Variants in TTC9 observed in about 807,000 individuals in gnomAD.
TTC9 encodes tetratricopeptide repeat domain 9, also known as tetratricopeptide repeat protein 9A.
In TTC9, 13 loss-of-function variants were observed where a neutral mutation model predicts 22.9. That is an observed-to-expected ratio of 0.57 (90% CI 0.37 to 0.90). The LOEUF (loss-of-function observed/expected upper bound fraction) is 0.90, where lower values mean the gene tolerates loss of function less well. Among genes scored for constraint, TTC9 ranks in the 40% least tolerant of loss-of-function variants. The pLI is 0.01. For synonymous variants in TTC9, 148 were observed against 133.2 expected (o/e 1.11, Z -0.77); for missense variants, 280 against 291.8 (o/e 0.96, Z 0.29).
Position 70,674,867 on chromosome 14 carries a change from A to T in TTC9, c.*3712A>T, listed in dbSNP as rs1338706377. On this transcript the variant is annotated 3_prime_UTR_variant, in exon 3 of 3. Transcript: ENST00000256367. ...TTTGTTCCCAATCTTCATTGTAAATAGTGTTGCAACTGACATTCTTGTAGC... is the reference window on the plus strand; with the variant it reads ...TTTGTTCCCAATCTTCATTGTAAATTGTGTTGCAACTGACATTCTTGTAGC... The T allele has an allele frequency of 6.6e-6, 1 of 152,220 alleles. No individual in the cohort carries two copies. The highest frequency in any genetic ancestry group is 1.5e-5 in the Non-Finnish European group (1 of 68,046). The allele number at this position is 152,220 out of a possible 1,614,324, so 9.4% of individuals were successfully genotyped here. A position where few individuals can be genotyped will look rare whatever the true frequency, so the allele number is the denominator to read the frequency against.
intron 1 of TTC9, among the ~76,000 whole-genome samples, chr14:70,651,462 G>A (rs1176638123): frequency 6.7e-6 from 1 of 148,332 alleles, no homozygotes; most frequent in Non-Finnish European, 1.5e-5. Flanking sequence ...GCCATTCTGG[G>A]TATTATCATG....
chr14:70,668,152 C>A (rs1249265100), intron 2 of TTC9, among the ~76,000 whole-genome samples: 2 of 152,168 alleles, frequency 1.3e-5, no homozygotes, highest in African/African-American at 4.8e-5. Flanking sequence ...TACAAACAGG[C>A]AAATTTGATG....
intron 1 of TTC9, among the ~76,000 whole-genome samples, chr14:70,646,215 C>CA (rs1178016672): frequency 1.3e-5 from 2 of 152,124 alleles, no homozygotes; most frequent in African/African-American, 4.8e-5. Context: ...CCAGGAAATT[C>CA]AAAGAAATAG....
intron 1 of TTC9, 145 bp from the exon 2 acceptor site, chr14:70,667,419 A>G: frequency 1.2e-6 from 1 of 801,742 alleles, no homozygotes; most frequent in Non-Finnish European, 2.0e-6. Context: ...CAGGGAGGCT[A>G]GGATTATTGG....
chr14:70,659,119 A>AACACACACACGCGC (rs1365105263), intron 1 of TTC9, among the ~76,000 whole-genome samples: 47 of 134,700 alleles, frequency 3.5e-4, no homozygotes, highest in African/African-American at 1.3e-3. Flanking sequence ...TATATAACTA[A>AACACACACACGCGC]ACACACACAC....
At chr14:70,670,487 G>T (rs1262754064) in intron 2 of TTC9, among the ~76,000 whole-genome samples, 1 of 151,970 alleles carries the variant, frequency 6.6e-6, no homozygotes, top group African/African-American at 2.4e-5. Context: ...ATGAAACCCC[G>T]TCTCTACTAA....
chr14:70,653,994 G>A (rs1886022429), intron 1 of TTC9, among the ~76,000 whole-genome samples: 1 of 152,164 alleles, frequency 6.6e-6, no homozygotes, highest in African/African-American at 2.4e-5. Context: ...TCAGGCAGAT[G>A]CCAGCTTACT....
At chr14:70,666,722 C>T (rs1039550489) in intron 1 of TTC9, among the ~76,000 whole-genome samples, 1 of 152,166 alleles carries the variant, frequency 6.6e-6, no homozygotes, top group Non-Finnish European at 1.5e-5. Context: ...GCCTCAGCTT[C>T]CTCACCTATA....
intron 1 of TTC9, among the ~76,000 whole-genome samples, chr14:70,648,170 C>G (rs1045968601): frequency 2.6e-5 from 4 of 152,164 alleles, no homozygotes; most frequent in African/African-American, 9.7e-5. Flanking sequence ...CTTGCCATCC[C>G]GATGGGAGAG....
At chr14:70,665,642 T>C (rs1886205625) in intron 1 of TTC9, among the ~76,000 whole-genome samples, 1 of 152,228 alleles carries the variant, frequency 6.6e-6, no homozygotes, top group Non-Finnish European at 1.5e-5. Context: ...GGGCTGATTC[T>C]CTTTCACTTC....
Position 70,659,650 on chromosome 14 carries a change from G to A in TTC9, c.407-7914G>A, listed in dbSNP as rs138529388. On this transcript the variant is annotated intron_variant, in intron 1 of 2. Coordinates refer to ENST00000256367, the MANE Select transcript of TTC9 (RefSeq NM_015351.2). ...CTGGAGGGTTACATAGGAAGTTTCC[G>A]GATGAGTATTTACGTATAAAGTGAG... Among the ~76,000 whole-genome samples, 400 of 152,266 alleles carry A rather than the reference G, an allele frequency of 2.6e-3. 2 individuals are homozygous for A. The highest frequency in any genetic ancestry group is 9.2e-3 in the African/African-American group (383 of 41,532).
At chr14:70,652,520 A>G (rs1885999583) in intron 1 of TTC9, among the ~76,000 whole-genome samples, 1 of 152,258 alleles carries the variant, frequency 6.6e-6, no homozygotes, top group Non-Finnish European at 1.5e-5. Context: ...GCCATTCAGC[A>G]TCAGAAACCT....
At position 70,675,095 on chromosome 14, in the gene TTC9, A is replaced by G. The variant is rs1420730154; in HGVS notation, c.*3940A>G. On this transcript the variant is annotated 3_prime_UTR_variant, in exon 3 of 3. Transcript: ENST00000256367. The stretch of plus-strand genomic sequence containing the variant: ...ATCATCACTTATCAAATCTTTCCCA[A>G]TTTGGTAGCTGGGATAATAGTATGT... The G allele has an allele frequency of 6.6e-6, 1 of 152,108 alleles. No individual in the cohort carries two copies. The highest frequency in any genetic ancestry group is 2.4e-5 in the African/African-American group (1 of 41,424). The allele number at this position is 152,108 out of a possible 1,614,324, so 9.4% of individuals were successfully genotyped here.
chr14:70,664,899 C>T (rs1005334253), intron 1 of TTC9, among the ~76,000 whole-genome samples: 1 of 152,082 alleles, frequency 6.6e-6, no homozygotes, highest in Non-Finnish European at 1.5e-5. Flanking sequence ...AAAGTCTGAA[C>T]CCTGGTCCAC....
rs1886305416 is a variant in TTC9 at position 70,672,076 on chromosome 14, C to T, written c.*921C>T. 1 of 152,274 alleles carries T rather than the reference C, an allele frequency of 6.6e-6. No homozygotes were observed. Among genetic ancestry groups the T allele is most frequent in the Admixed American group, 6.5e-5 (1 of 15,280 alleles). The allele number at this position is 152,274 out of a possible 1,614,324, so 9.4% of individuals were successfully genotyped here. A position where few individuals can be genotyped will look rare whatever the true frequency, so the allele number is the denominator to read the frequency against. ...AGCAGCCCACTCCCTCACTTTTACTCCTTCCTCCAACCCTCAATCAGAGCT... is the reference window on the plus strand; with the variant it reads ...AGCAGCCCACTCCCTCACTTTTACTTCTTCCTCCAACCCTCAATCAGAGCT... On this transcript the variant is annotated 3_prime_UTR_variant, in exon 3 of 3. Coordinates refer to ENST00000256367, the MANE Select transcript of TTC9 (RefSeq NM_015351.2).
intron 1 of TTC9, among the ~76,000 whole-genome samples, chr14:70,659,120 A>ACACACACATG (rs1744655863): frequency 9.1e-6 from 1 of 109,948 alleles, no homozygotes; most frequent in Non-Finnish European, 1.9e-5. Flanking sequence ...ATATAACTAA[A>ACACACACATG]CACACACACA....
At position 70,673,630 on chromosome 14, in the gene TTC9, T is replaced by C. The variant is rs1886328470; in HGVS notation, c.*2475T>C. The C allele has an allele frequency of 7.3e-6, 1 of 136,192 alleles. No homozygotes were observed. The allele number at this position is 136,192 out of a possible 1,614,324, so 8.4% of individuals were successfully genotyped here. Reference sequence around the variant, plus strand: ...CTTAGAACGTTTGTGATTTGGCAGATGGTTTGTTAGGATCTGAAGGATGAA... The same window carrying C: ...CTTAGAACGTTTGTGATTTGGCAGACGGTTTGTTAGGATCTGAAGGATGAA... On this transcript the variant is annotated 3_prime_UTR_variant, in exon 3 of 3. Coordinates refer to ENST00000256367, the MANE Select transcript of TTC9 (RefSeq NM_015351.2).
chr14:70,649,840 A>C (rs1013980902), intron 1 of TTC9, among the ~76,000 whole-genome samples: 5 of 152,090 alleles, frequency 3.3e-5, no homozygotes, highest in Admixed American at 6.5e-5. Context: ...TAGGACTTCC[A>C]TTCCATGGCC....
intron 1 of TTC9, 93 bp downstream of exon 1, chr14:70,642,628 C>T: frequency 8.1e-7 from 1 of 1,236,070 alleles, no homozygotes; most frequent in East Asian, 2.7e-5. Flanking sequence ...GCAGATTCTC[C>T]TGCTGTGACT....
Sources: gnomAD v4.1 joint callset for allele counts (sites outside exome capture counted in the v4.1 genomes callset) on GRCh38, gnomAD v4.1.1 for gene constraint, MANE v1.5 for transcripts, NCBI Gene and HGNC (gene_info 2026-07-23, HGNC 2026-07-21) for gene names.